CCNL2: variants seen among roughly 807,000 people sequenced by gnomAD.
CCNL2 encodes the protein cyclin L2.
Under a neutral mutation model 59.1 loss-of-function variants are expected in CCNL2, and 28 were observed. The observed-to-expected ratio is 0.47, with a 90% confidence interval of 0.35 to 0.65. The LOEUF (loss-of-function observed/expected upper bound fraction) is 0.65. Among genes scored for constraint, CCNL2 ranks in the 30% least tolerant of loss-of-function variants. The pLI is 0.00. For synonymous variants in CCNL2, 342 were observed against 288.6 expected, an observed-to-expected ratio of 1.19 and a Z score of -1.88; for missense variants, 714 against 717.4, an observed-to-expected ratio of 1.00 and a Z score of 0.05.
Position 1,397,283 on chromosome 1 carries a change from A to G in CCNL2, c.473+950T>C, listed in dbSNP as rs1048410644. 3.3e-5 allele frequency among the ~76,000 whole-genome samples: 5 copies of G among 152,108 alleles called. No homozygotes were observed. The East Asian group carries it at 9.7e-4, about 29-fold the overall frequency. The stretch of plus-strand genomic sequence containing the variant: ...AAATTTTACTATTCCAGGGCCATGA[A>G]GCAACATCAACAGACTTTCGTTTTT... On this transcript the variant is annotated intron_variant, in intron 3 of 10. Transcript: ENST00000400809.
chr1:1,388,690 G>C (rs1172659201), intron 8 of CCNL2: 1 of 426,794 alleles, frequency 2.3e-6, no homozygotes, highest in Admixed American at 2.7e-5. Context: ...AGAATCACCA[G>C]AATCTGGTAG....
At chr1:1,397,173 G>A (rs1645081332) in intron 3 of CCNL2, among the ~76,000 whole-genome samples, 3 of 152,226 alleles carry the variant, frequency 2.0e-5, no homozygotes. Context: ...AGCCCGGCCA[G>A]AGGCTGTGTT....
chr1:1,398,104 T>C (rs1645145049), intron 3 of CCNL2, 129 bp downstream of exon 3: 1 of 840,640 alleles, frequency 1.2e-6, no homozygotes, highest in Admixed American at 2.6e-5. Context: ...AGCTTGAGAC[T>C]GCGCTCATGA....
At position 1,390,241 on chromosome 1, in the gene CCNL2, G is replaced by T; in HGVS notation, c.995C>A (p.Ala332Asp). 1 of 1,609,314 alleles carries T rather than the reference G, an allele frequency of 6.2e-7. No individual in the cohort carries two copies. The highest frequency in any genetic ancestry group is 8.5e-7 in the Non-Finnish European group (1 of 1,176,218). Residue 332 changes from alanine to aspartate, a missense_variant, in exon 8 of 11, where the codon GCC (alanine) becomes GAC (aspartate). Coordinates refer to ENST00000400809, the MANE Select transcript of CCNL2 (RefSeq NM_030937.6). ...TCTAACAGACTCACCCAGCTTGGGGGCAGGAGAGAACCCCGAGGTACCATC... is the reference window on the plus strand; with the variant it reads ...TCTAACAGACTCACCCAGCTTGGGGTCAGGAGAGAACCCCGAGGTACCATC... Reference protein sequence around the residue: ...VLDGTSGFSPAPKLVESPKEG... With the variant: ...VLDGTSGFSPDPKLVESPKEG...
chr1:1,386,340 A>T lies in CCNL2; in HGVS notation c.*891T>A, dbSNP rs2100243914. The T allele has an allele frequency of 6.6e-6, 1 of 152,410 alleles. No individual in the cohort carries two copies. The highest frequency in any genetic ancestry group is 1.9e-4 in the East Asian group (1 of 5,188). The allele number at this position is 152,410 out of a possible 1,614,324, so 9.4% of individuals were successfully genotyped here. A position where few individuals can be genotyped will look rare whatever the true frequency, so the allele number is the denominator to read the frequency against. On this transcript the variant is annotated 3_prime_UTR_variant, in exon 11 of 11. Transcript: ENST00000400809. ...CTCAGGCCCCTCACAAGCCTTCGGCAGAAGGGCAGGCACACAGGATTGGAT... is the reference window on the plus strand; with the variant it reads ...CTCAGGCCCCTCACAAGCCTTCGGCTGAAGGGCAGGCACACAGGATTGGAT...
At chr1:1,393,077 C>G in intron 5 of CCNL2, 1 of 591,612 alleles carries the variant, frequency 1.7e-6, no homozygotes, top group Non-Finnish European at 3.0e-6. Context: ...TCTGCACTAG[C>G]CTGTCCCTCC....
chr1:1,390,200 G>A (rs1040530021), intron 8 of CCNL2, 30 bp downstream of exon 8: 2 of 1,578,106 alleles, frequency 1.3e-6, no homozygotes, highest in South Asian at 1.1e-5. Flanking sequence ...CCTTTGTGGG[G>A]AGTGGATTCC....
intron 4 of CCNL2, among the ~76,000 whole-genome samples, chr1:1,394,231 G>A (rs909306837): frequency 1.1e-4 from 17 of 152,122 alleles, no homozygotes; most frequent in African/African-American, 3.9e-4. Context: ...CAATAAAAAG[G>A]AGATGGAACC....
intron 4 of CCNL2, among the ~76,000 whole-genome samples, chr1:1,394,089 C>A (rs1396174556): frequency 1.3e-5 from 2 of 150,838 alleles, no homozygotes; most frequent in Non-Finnish European, 2.9e-5. Flanking sequence ...TGCGCCATTG[C>A]ACTCCAGCCT....
chr1:1,392,926 T>A (rs996975763), intron 5 of CCNL2: 3 of 964,730 alleles, frequency 3.1e-6, no homozygotes, highest in South Asian at 1.5e-5. Flanking sequence ...TGGGAAAAAA[T>A]TCACCAGAAT....
chr1:1,393,310 C>T, intron 5 of CCNL2, 86 bp downstream of exon 5: 2 of 1,074,000 alleles, frequency 1.9e-6, no homozygotes, highest in East Asian at 2.4e-5. Flanking sequence ...AGTCACTGGG[C>T]TGCCTACCCA....
rs756252292 is a variant in CCNL2 at position 1,390,406 on chromosome 1, G to GTGT, written c.865-38_865-36dup. ...CCAGAAGGTGTCCGTTCAGAACCAG[G>GTGT]TGTTTCTGGCCAAACACAAACGCAT... On this transcript the variant is annotated intron_variant, in intron 7 of 10. Transcript: ENST00000400809. 1.4e-5 allele frequency: 23 copies of GTGT among 1,611,382 alleles called. No homozygotes were observed. In the East Asian group the frequency reaches 4.9e-4, roughly 34 times the overall value.
At chr1:1,398,492 C>T in intron 2 of CCNL2, 105 bp downstream of exon 2, 1 of 1,575,954 alleles carries the variant, frequency 6.3e-7, no homozygotes, top group South Asian at 1.1e-5. Flanking sequence ...GCACAGAGCT[C>T]AGACTGGGGG....
At chr1:1,387,708 G>A in intron 10 of CCNL2, 69 bp downstream of exon 10, 1 of 1,463,338 alleles carries the variant, frequency 6.8e-7, no homozygotes, top group Non-Finnish European at 9.4e-7. Context: ...ACCTCAGGGT[G>A]AGAATGATTA....
intron 5 of CCNL2, chr1:1,391,939 G>A (rs952635013): frequency 1.1e-4 from 23 of 204,060 alleles, no homozygotes; most frequent in Admixed American, 3.4e-4. Context: ...ACCCGCAGAC[G>A]AGGTGGGTTG....
chr1:1,390,477 C>T lies in CCNL2; in HGVS notation c.846G>A (p.Gln282=), dbSNP rs773665237. 20 of 1,613,538 alleles carry T rather than the reference C, an allele frequency of 1.2e-5. No homozygotes were observed. In the African/African-American group the frequency reaches 2.7e-4, roughly 22 times the overall value. The stretch of plus-strand genomic sequence containing the variant: ...GAAGAACCTTTTTCCGAGCATAAAG[C>T]TGCAAGATCTTTAAGCAGATTTCCT... ...EIQEICLKIL[Q]LYARKKVDLT... Residue 282 remains glutamine (Q), a synonymous_variant, in exon 7 of 11, where the codon CAG becomes CAA. Coordinates refer to ENST00000400809, the MANE Select transcript of CCNL2 (RefSeq NM_030937.6).
intron 5 of CCNL2, chr1:1,392,757 T>C: frequency 6.2e-7 from 1 of 1,610,100 alleles, no homozygotes; most frequent in Non-Finnish European, 8.5e-7. Flanking sequence ...ACCAAAGCGC[T>C]TGGACAGCAG....
Position 1,398,243 on chromosome 1 carries a change from T to C in CCNL2, c.463A>G (p.Arg155Gly). The change falls in exon 3 of 11, where the codon AGA (arginine) becomes GGA (glycine). Residue 155 changes from arginine to glycine, a missense_variant. Coordinates refer to ENST00000400809, the MANE Select transcript of CCNL2 (RefSeq NM_030937.6). ...CTCTGACTGACTCACTTTTTGTCTC[T>C]CAGCTGTCGAAGGCGGTGAAACACA... ...INVFHRLRQLRDKKKPVPLLL... is the reference protein window; with the variant it reads ...INVFHRLRQLGDKKKPVPLLL... 1 of 1,614,192 alleles carries C rather than the reference T, an allele frequency of 6.2e-7. No homozygotes were observed. Among genetic ancestry groups the C allele is most frequent in the Non-Finnish European group, 8.5e-7 (1 of 1,180,016 alleles).
At chr1:1,394,364 A>T (rs559335846) in intron 4 of CCNL2, among the ~76,000 whole-genome samples, 1 of 152,300 alleles carries the variant, frequency 6.6e-6, no homozygotes, top group African/African-American at 2.4e-5. Flanking sequence ...ACATGCCGCA[A>T]AACTCGCCAG....
Sources: gnomAD v4.1 joint callset for allele counts (sites outside exome capture counted in the v4.1 genomes callset) on GRCh38, gnomAD v4.1.1 for gene constraint, MANE v1.5 for transcripts, NCBI Gene and HGNC (gene_info 2026-07-23, HGNC 2026-07-21) for gene names.